The following ROBO2 variants were observed in gnomAD, a reference collection of about 807,000 sequenced individuals.
ROBO2 encodes roundabout homolog 2.
ROBO2 carries 53 observed loss-of-function variants against 160.8 expected under a neutral mutation model. The ratio of observed to expected loss-of-function variants is 0.33; its 90% CI spans 0.26 to 0.41. ROBO2 has a LOEUF of 0.41. Among genes scored for constraint, ROBO2 ranks in the 10% least tolerant of loss-of-function variants. ROBO2 has a pLI of 1.00. For synonymous variants in ROBO2, 664 were observed against 611.7 expected, an observed-to-expected ratio of 1.09 and a Z score of -1.26; for missense variants, 1,577 against 1,722.4, an observed-to-expected ratio of 0.92 and a Z score of 1.49.
chr3:76,194,006 A>G (rs1702128482), intron 2 of ROBO2, among the ~76,000 whole-genome samples: 2 of 152,246 alleles, frequency 1.3e-5, no homozygotes, highest in South Asian at 4.1e-4. Flanking sequence ...TAAGGAAAAG[A>G]ATAAGGATTT....
At chr3:77,496,307 T>A (rs2086771286) in intron 5 of ROBO2, among the ~76,000 whole-genome samples, 1 of 152,198 alleles carries the variant, frequency 6.6e-6, no homozygotes, top group Admixed American at 6.5e-5. Context: ...AGGTCAGTAT[T>A]TCATCATGAA....
chr3:77,243,273 A>C (rs1286373343), intron 2 of ROBO2, among the ~76,000 whole-genome samples: 1 of 152,206 alleles, frequency 6.6e-6, no homozygotes, highest in Non-Finnish European at 1.5e-5. Flanking sequence ...TTAAGACTAA[A>C]TAAAACTAGG....
rs929018607 is a variant in ROBO2, at chr3:77,163,369, T to C, written c.388+65029T>C. 2.6e-5 allele frequency among the ~76,000 whole-genome samples: 4 copies of C among 152,216 alleles called. No individual in the cohort carries two copies. In the East Asian group the frequency reaches 7.7e-4, roughly 29 times the overall value. Reference sequence around the variant, plus strand: ...TAAATCATTCAGAAATTTCTATTCATTCATGTAAGGCAGAGGCATAGCTGA... The same window carrying C: ...TAAATCATTCAGAAATTTCTATTCACTCATGTAAGGCAGAGGCATAGCTGA... On this transcript the variant is annotated intron_variant, in intron 2 of 25. Transcript: ENST00000461745.
At chr3:76,670,706 T>A (rs2092232482) in intron 2 of ROBO2, among the ~76,000 whole-genome samples, 1 of 151,942 alleles carries the variant, frequency 6.6e-6, no homozygotes, top group Non-Finnish European at 1.5e-5. Flanking sequence ...TAATAGAGAG[T>A]ACATGTATTT....
chr3:77,126,714 T>TATATATATATATATATATATA (rs1560065744), intron 2 of ROBO2, among the ~76,000 whole-genome samples: 53 of 137,688 alleles, frequency 3.8e-4, no homozygotes, highest in African/African-American at 1.7e-3. Context: ...ATATATATAT[T>TATATATATATATATATATATA]TTTTTTCCTT....
intron 2 of ROBO2, among the ~76,000 whole-genome samples, chr3:76,986,441 AC>A (rs953367054): frequency 1.3e-5 from 2 of 152,142 alleles, no homozygotes; most frequent in Non-Finnish European, 2.9e-5. Flanking sequence ...TTAGGTAAAC[AC>A]AGGTAACCGT....
At chr3:76,384,019 A>G (rs2076762996) in intron 2 of ROBO2, among the ~76,000 whole-genome samples, 1 of 152,240 alleles carries the variant, frequency 6.6e-6, no homozygotes, top group Non-Finnish European at 1.5e-5. Flanking sequence ...GAAATGCAGA[A>G]GAGCGTCCCT....
chr3:77,459,130 T>C (rs1326363452), intron 2 of ROBO2, among the ~76,000 whole-genome samples: 1 of 152,354 alleles, frequency 6.6e-6, no homozygotes, highest in East Asian at 1.9e-4. Context: ...TAAGAAGTGA[T>C]ACAAGCTACT....
chr3:76,849,355 T>C (rs993531754), intron 2 of ROBO2, among the ~76,000 whole-genome samples: 2 of 152,182 alleles, frequency 1.3e-5, no homozygotes, highest in Non-Finnish European at 2.9e-5. Flanking sequence ...TGTTATATTT[T>C]CCTTTGCAGA....
chr3:76,342,051 T>C (rs898111409), intron 2 of ROBO2, among the ~76,000 whole-genome samples: 1 of 152,120 alleles, frequency 6.6e-6, no homozygotes, highest in Admixed American at 6.6e-5. Flanking sequence ...TTACAGACAA[T>C]AAAGTAGAGG....
intron 2 of ROBO2, among the ~76,000 whole-genome samples, chr3:76,744,501 A>G (rs770027745): frequency 5.9e-5 from 9 of 152,246 alleles, no homozygotes; most frequent in Non-Finnish European, 1.3e-4. Context: ...CTGGGGCTAC[A>G]GGCATGCACT....
chr3:75,944,991 A>G (rs573394522), intron 2 of ROBO2, among the ~76,000 whole-genome samples: 2 of 152,136 alleles, frequency 1.3e-5, no homozygotes, highest in African/African-American at 4.8e-5. Context: ...CCTATACCAC[A>G]CTATTAATAT....
chr3:76,059,156 T>C (rs1576674784), intron 2 of ROBO2, among the ~76,000 whole-genome samples: 1 of 151,518 alleles, frequency 6.6e-6, no homozygotes, highest in African/African-American at 2.4e-5. Flanking sequence ...ATCCTTTGGG[T>C]ATATACCCAG....
chr3:75,989,512 T>C lies in ROBO2; in HGVS notation c.109+51910T>C, dbSNP rs112458949. ...CTCAAACACAGCTCAAAAATGACTG[T>C]TTTCCAATAATACCTGTTGGATATT... On this transcript the variant is annotated intron_variant, in intron 2 of 26. Transcript: ENST00000487694. 6.4e-3 allele frequency among the ~76,000 whole-genome samples: 978 copies of C among 152,252 alleles called. 13 individuals are homozygous for C. Among genetic ancestry groups the C allele is most frequent in the African/African-American group, 0.023 (948 of 41,508 alleles).
intron 2 of ROBO2, among the ~76,000 whole-genome samples, chr3:76,582,403 T>C (rs142098652): frequency 3.6e-4 from 55 of 152,268 alleles, no homozygotes; most frequent in African/African-American, 1.3e-3. Flanking sequence ...TTTTCAAAAA[T>C]GCTGTTTCTC....
At chr3:76,306,003 G>C (rs943114874) in intron 2 of ROBO2, among the ~76,000 whole-genome samples, 3 of 152,018 alleles carry the variant, frequency 2.0e-5, no homozygotes, top group African/African-American at 4.8e-5. Context: ...AGAATCCCTG[G>C]GCTCTACCCA....
intron 2 of ROBO2, among the ~76,000 whole-genome samples, chr3:76,674,969 G>A (rs1347843931): frequency 6.6e-6 from 1 of 152,186 alleles, no homozygotes; most frequent in Non-Finnish European, 1.5e-5. Flanking sequence ...AAACCTTTGT[G>A]TTGTTTAAAG....
intron 2 of ROBO2, among the ~76,000 whole-genome samples, chr3:76,555,425 G>GAAGAAGAAGAAGAGGAAGAA (rs1399867100): frequency 4.4e-5 from 3 of 68,472 alleles, no homozygotes; most frequent in African/African-American, 4.2e-5. Context: ...AAGAAAGAAG[G>GAAGAAGAAGAAGAGGAAGAA]AGAAGGGGAA....
At position 76,123,423 on chromosome 3, in the gene ROBO2, G is replaced by A. The variant is rs1014692493; in HGVS notation, c.109+185821G>A. Among the ~76,000 whole-genome samples, 8 of 152,172 alleles carry A rather than the reference G, an allele frequency of 5.3e-5. No homozygotes were observed. In the South Asian group the frequency reaches 6.2e-4, roughly 12 times the overall value. ...AGACTAAAGTTTTTCTACTATTAAT[G>A]AGTTTCTTGTATGTAAGTTCAATTT... On this transcript the variant is annotated intron_variant, in intron 2 of 26. Transcript: ENST00000487694.
Sources: allele counts gnomAD v4.1 joint callset (sites outside exome capture counted in the v4.1 genomes callset), GRCh38; gene constraint gnomAD v4.1.1; transcripts MANE v1.5; gene names NCBI Gene and HGNC (gene_info 2026-07-23, HGNC 2026-07-21).